Variants in PTPRD observed in about 807,000 individuals in gnomAD.
The protein encoded by PTPRD is protein tyrosine phosphatase receptor type D.
Under a neutral mutation model 214.5 loss-of-function variants are expected in PTPRD, and 34 were observed. The observed-to-expected ratio is 0.16, with a 90% CI of 0.12 to 0.21. PTPRD has a LOEUF of 0.21. Ranked by LOEUF, PTPRD falls within the 10% of genes least tolerant of loss-of-function variation. PTPRD has a pLI of 1.00. For missense variants in PTPRD, 2,545 were observed against 2,398.7 expected (o/e 1.06, Z -1.27); for synonymous variants, 1,128 against 845.7 (o/e 1.33, Z -5.79).
chr9:9,474,781 T>G (rs1181516216), intron 8 of PTPRD, among the ~76,000 whole-genome samples: 1 of 152,152 alleles, frequency 6.6e-6, no homozygotes, highest in Non-Finnish European at 1.5e-5. Flanking sequence ...TATGTTAATT[T>G]TGTATCTTGC....
chr9:9,175,307 G>C (rs999789731), intron 10 of PTPRD, among the ~76,000 whole-genome samples: 2 of 152,054 alleles, frequency 1.3e-5, no homozygotes, highest in Non-Finnish European at 2.9e-5. Context: ...GGGCATGTTT[G>C]TCAATCGTAC....
intron 7 of PTPRD, among the ~76,000 whole-genome samples, chr9:9,592,334 G>T (rs1399962107): frequency 6.6e-6 from 1 of 151,918 alleles, no homozygotes; most frequent in Non-Finnish European, 1.5e-5. Context: ...CAAAAATAAT[G>T]CAAAACAAAA....
intron 7 of PTPRD, among the ~76,000 whole-genome samples, chr9:9,595,394 A>C (rs901116163): frequency 1.4e-5 from 2 of 145,326 alleles, no homozygotes; most frequent in African/African-American, 5.2e-5. Context: ...ATTCCACCAT[A>C]TACATATATA....
chr9:9,089,958 C>A (rs968202113), intron 10 of PTPRD, among the ~76,000 whole-genome samples: 1 of 151,990 alleles, frequency 6.6e-6, no homozygotes, highest in Non-Finnish European at 1.5e-5. Flanking sequence ...TAATGTTTGT[C>A]CATATTTATG....
At chr9:9,808,576 G>A (rs1409231650) in intron 5 of PTPRD, among the ~76,000 whole-genome samples, 1 of 152,054 alleles carries the variant, frequency 6.6e-6, no homozygotes, top group South Asian at 2.1e-4. Flanking sequence ...TAAGACCATC[G>A]TTGTTTACAG....
chr9:9,178,921 T>C (rs1304059693), intron 10 of PTPRD, among the ~76,000 whole-genome samples: 1 of 152,096 alleles, frequency 6.6e-6, no homozygotes, highest in Non-Finnish European at 1.5e-5. Context: ...CCTGGGACTG[T>C]CAAATTAATA....
At chr9:9,830,459 G>C (rs1337916335) in intron 5 of PTPRD, among the ~76,000 whole-genome samples, 1 of 151,804 alleles carries the variant, frequency 6.6e-6, no homozygotes, top group African/African-American at 2.4e-5. Flanking sequence ...ATTTTTGATA[G>C]ATAATCATAT....
intron 14 of PTPRD, among the ~76,000 whole-genome samples, chr9:8,569,759 A>G (rs1046955302): frequency 3.3e-5 from 5 of 151,386 alleles, no homozygotes; most frequent in Admixed American, 1.3e-4. Flanking sequence ...TCTATCAAAG[A>G]AAGTTTGTTT....
At chr9:10,076,907 A>G (rs1183652311) in intron 3 of PTPRD, among the ~76,000 whole-genome samples, 1 of 152,148 alleles carries the variant, frequency 6.6e-6, no homozygotes, top group Non-Finnish European at 1.5e-5. Context: ...TGTAGAGTAG[A>G]TGTTGCAGCA....
intron 5 of PTPRD, among the ~76,000 whole-genome samples, chr9:9,913,699 G>A (rs1003545662): frequency 6.6e-6 from 1 of 152,132 alleles, no homozygotes; most frequent in East Asian, 1.9e-4. Flanking sequence ...CATTGCCTAT[G>A]TAAACATCTA....
At chr9:9,175,756 C>T (rs938433658) in intron 10 of PTPRD, among the ~76,000 whole-genome samples, 1 of 151,982 alleles carries the variant, frequency 6.6e-6, no homozygotes, top group Admixed American at 6.6e-5. Context: ...TTTCTACCGG[C>T]CCAAGTACCT....
chr9:9,582,529 T>C lies in PTPRD; in HGVS notation c.-286-7748A>G, dbSNP rs566915334. Among the ~76,000 whole-genome samples, 5 of 149,802 alleles carry C rather than the reference T, an allele frequency of 3.3e-5. No individual in the cohort carries two copies. In the South Asian group the frequency reaches 1.0e-3, roughly 31 times the overall value. ...TTGAATCTGAGAGATAAATAAATTA[T>C]ATGGAAAAAGAAAGCAGATTAAAGT... On this transcript the variant is annotated intron_variant, in intron 7 of 45. Transcript: ENST00000381196.
intron 9 of PTPRD, among the ~76,000 whole-genome samples, chr9:9,195,716 C>CAAAAAA (rs373628761): frequency 7.7e-6 from 1 of 130,252 alleles, no homozygotes. Context: ...TTTTTAAATG[C>CAAAAAA]AAAAAAAAAA....
intron 2 of PTPRD, among the ~76,000 whole-genome samples, chr9:10,517,253 T>A (rs529963366): frequency 1.3e-5 from 2 of 152,170 alleles, no homozygotes; most frequent in African/African-American, 4.8e-5. Flanking sequence ...ATCAGTGTTT[T>A]GTATTTTTCA....
intron 11 of PTPRD, among the ~76,000 whole-genome samples, chr9:8,759,296 C>A (rs375805300): frequency 6.6e-5 from 10 of 152,148 alleles, no homozygotes; most frequent in African/African-American, 2.4e-4. Flanking sequence ...AAGTGATCTT[C>A]CTGCCTTGGC....
At chr9:10,066,106 A>C (rs1462299273) in intron 3 of PTPRD, among the ~76,000 whole-genome samples, 1 of 151,950 alleles carries the variant, frequency 6.6e-6, no homozygotes, top group East Asian at 1.9e-4. Flanking sequence ...TGGCTTATTT[A>C]GTGGATGGTT....
At chr9:9,749,842 G>C (rs1015527465) in intron 6 of PTPRD, among the ~76,000 whole-genome samples, 1 of 152,096 alleles carries the variant, frequency 6.6e-6, no homozygotes, top group Non-Finnish European at 1.5e-5. Flanking sequence ...CCATTAAAAA[G>C]AGGAGGAAGA....
intron 2 of PTPRD, among the ~76,000 whole-genome samples, chr9:10,373,751 T>C (rs1383816889): frequency 6.6e-6 from 1 of 152,142 alleles, no homozygotes; most frequent in Admixed American, 6.6e-5. Flanking sequence ...CCTTGCCATA[T>C]TTCTCAGTTT....
At chr9:9,871,647 C>T (rs1017266132) in intron 5 of PTPRD, among the ~76,000 whole-genome samples, 6 of 150,920 alleles carry the variant, frequency 4.0e-5, no homozygotes, top group African/African-American at 9.8e-5. Context: ...CCTCCTTGGG[C>T]CCTAAGATTA....
Sources: allele counts gnomAD v4.1 joint callset (sites outside exome capture counted in the v4.1 genomes callset), GRCh38; gene constraint gnomAD v4.1.1; transcripts MANE v1.5; gene names NCBI Gene and HGNC (gene_info 2026-07-23, HGNC 2026-07-21).